The following TMEM44 variants were observed in gnomAD, a reference collection of about 807,000 sequenced individuals.
TMEM44 encodes transmembrane protein 44.
A neutral mutation model predicts 47.8 loss-of-function variants in TMEM44; 43 were observed. The observed-to-expected ratio is 0.90, with a 90% CI of 0.70 to 1.16. TMEM44 has a LOEUF of 1.16. Among genes scored for constraint, TMEM44 ranks in the 50% most tolerant of loss-of-function variants. The pLI, the probability that TMEM44 is intolerant of heterozygous loss-of-function variation, is 0.00. For missense variants in TMEM44, 568 were observed against 555.2 expected, an observed-to-expected ratio of 1.02 and a Z score of -0.23; for synonymous variants, 277 against 238.8, an observed-to-expected ratio of 1.16 and a Z score of -1.48.
chr3:194,609,241 G>A (rs952763590), intron 8 of TMEM44, among the ~76,000 whole-genome samples: 2 of 152,154 alleles, frequency 1.3e-5, no homozygotes, highest in African/African-American at 4.8e-5. Context: ...GAACTGAGGG[G>A]AGGGGAAAGG....
intron 1 of TMEM44, 68 bp downstream of exon 1, chr3:194,633,009 CGA>C: frequency 6.6e-7 from 1 of 1,512,622 alleles, no homozygotes; most frequent in Admixed American, 2.0e-5. Context: ...TCTAGGTTTC[CGA>C]GAGGGAGCAG....
At position 194,628,519 on chromosome 3, in the gene TMEM44, C is replaced by G. The variant is rs1717421819; in HGVS notation, c.138-10G>C. The G allele has an allele frequency of 6.2e-7, 1 of 1,610,580 alleles. No individual in the cohort carries two copies. Among genetic ancestry groups the G allele is most frequent in the South Asian group, 1.1e-5 (1 of 90,512 alleles). On this transcript the variant is annotated splice_polypyrimidine_tract_variant and intron_variant, in intron 1 of 9. Coordinates refer to ENST00000347147, the MANE Select transcript of TMEM44 (RefSeq NM_001011655.3). ...TCTCAGATAGAGAAGCCTGGGGTGA[C>G]AGGGGTGTGGACAGAACACAGCAAC...
chr3:194,595,455 C>A (rs1331691244), intron 9 of TMEM44, among the ~76,000 whole-genome samples: 2 of 152,100 alleles, frequency 1.3e-5, no homozygotes, highest in Non-Finnish European at 2.9e-5. Context: ...AAATTTTAGA[C>A]TGTGGAAGCT....
chr3:194,623,215 C>T lies in TMEM44; in HGVS notation c.612+9G>A, dbSNP rs758870598. ...TGACCCACAGTCCCATCCCCACCCC[C>T]GGCCTCACAATTCTGGAGAGAGGGG... On this transcript the variant is annotated intron_variant, in intron 5 of 9. Coordinates refer to ENST00000347147, the MANE Select transcript of TMEM44 (RefSeq NM_001011655.3). 16 of 1,601,732 alleles carry T rather than the reference C, an allele frequency of 1.0e-5. No homozygotes were observed. The highest frequency in any genetic ancestry group is 4.5e-5 in the South Asian group (4 of 88,836).
chr3:194,626,400 G>A (rs1016822365), intron 2 of TMEM44, among the ~76,000 whole-genome samples: 2 of 152,224 alleles, frequency 1.3e-5, no homozygotes, highest in African/African-American at 2.4e-5. Flanking sequence ...GGTTACTTGA[G>A]ACAGTACATG....
intron 9 of TMEM44, among the ~76,000 whole-genome samples, chr3:194,594,496 A>C (rs1713164899): frequency 6.6e-6 from 1 of 152,086 alleles, no homozygotes; most frequent in Admixed American, 6.6e-5. Context: ...AATATTTCAA[A>C]ATGTATCTCA....
At chr3:194,613,058 T>C (rs1273304126) in intron 7 of TMEM44, among the ~76,000 whole-genome samples, 3 of 152,370 alleles carry the variant, frequency 2.0e-5, no homozygotes, top group East Asian at 1.9e-4. Flanking sequence ...TTCTGACTAC[T>C]TGTAGAGGTC....
At chr3:194,604,842 T>G (rs999514089) in intron 8 of TMEM44, among the ~76,000 whole-genome samples, 4 of 152,228 alleles carry the variant, frequency 2.6e-5, no homozygotes, top group African/African-American at 7.2e-5. Flanking sequence ...CCCCTACTAA[T>G]GGGTGCTTAA....
At chr3:194,616,231 T>A (rs902676070) in intron 6 of TMEM44, among the ~76,000 whole-genome samples, 1 of 152,136 alleles carries the variant, frequency 6.6e-6, no homozygotes, top group African/African-American at 2.4e-5. Flanking sequence ...TTCGTATTTT[T>A]AGTAGAGACC....
At position 194,611,249 on chromosome 3, in the gene TMEM44, A is replaced by G. The variant is rs1715295078; in HGVS notation, c.913-229T>C. 1.3e-5 allele frequency among the ~76,000 whole-genome samples: 2 copies of G among 152,036 alleles called. No homozygotes were observed. Among genetic ancestry groups the G allele is most frequent in the South Asian group, 4.1e-4 (2 of 4,828 alleles). On this transcript the variant is annotated intron_variant, in intron 7 of 9. Coordinates refer to ENST00000347147, the MANE Select transcript of TMEM44 (RefSeq NM_001011655.3). This position sits in a 1 kb window ranked among gnomAD's most constrained non-coding sequence, Gnocchi z 4.2. ...TTGCAACACAGTAGAATCAGCTAGG[A>G]ATCTTTTTTATTTTATTTTATTTTT...
intron 3 of TMEM44, among the ~76,000 whole-genome samples, chr3:194,624,590 T>A (rs952828748): frequency 1.3e-5 from 2 of 151,872 alleles, no homozygotes; most frequent in Non-Finnish European, 2.9e-5. Flanking sequence ...AGCTACTTTT[T>A]AAAATGTTTG....
chr3:194,600,413 G>C (rs13062872), intron 9 of TMEM44, among the ~76,000 whole-genome samples: 1 of 150,672 alleles, frequency 6.6e-6, no homozygotes, highest in African/African-American at 2.4e-5. Flanking sequence ...GATTACAGGC[G>C]TGAGCCACCA....
chr3:194,632,704 G>A (rs534937849), intron 1 of TMEM44, among the ~76,000 whole-genome samples: 2 of 152,222 alleles, frequency 1.3e-5, no homozygotes, highest in South Asian at 4.1e-4. Context: ...CTGATTCATC[G>A]AATCCTCCCA....
chr3:194,594,137 A>ATCTGTCTG (rs1157567717), intron 9 of TMEM44, among the ~76,000 whole-genome samples: 10 of 145,852 alleles, frequency 6.9e-5, no homozygotes, highest in African/African-American at 2.5e-4. Context: ...CTATCTATCT[A>ATCTGTCTG]TCTATCTATC....
chr3:194,599,742 G>C (rs1310200370), intron 9 of TMEM44, among the ~76,000 whole-genome samples: 1 of 146,272 alleles, frequency 6.8e-6, no homozygotes, highest in East Asian at 2.0e-4. Flanking sequence ...GTGCCACTGC[G>C]CCTGGCTAAT....
chr3:194,602,738 G>C (rs1454812490), intron 9 of TMEM44, among the ~76,000 whole-genome samples: 2 of 152,208 alleles, frequency 1.3e-5, no homozygotes, highest in African/African-American at 4.8e-5. Flanking sequence ...TCCCGGTGAG[G>C]GGAGGGGGTG....
intron 9 of TMEM44, chr3:194,593,061 C>T (rs776743890): frequency 6.2e-7 from 1 of 1,613,728 alleles, no homozygotes; most frequent in South Asian, 1.1e-5. Context: ...TTTAGGGCCT[C>T]CCAATACTTC....
At chr3:194,633,046 G>GCCCGACAGCCC (rs1560209845) in intron 1 of TMEM44, 33 bp downstream of exon 1, 8 of 1,544,672 alleles carry the variant, frequency 5.2e-6, no homozygotes, top group Non-Finnish European at 7.0e-6. Flanking sequence ...CCGTTTCCCC[G>GCCCGACAGCCC]CCCGACAGCC....
At position 194,604,429 on chromosome 3, in the gene TMEM44, G is replaced by A. The variant is rs760897159; in HGVS notation, c.1034C>T (p.Thr345Ile). 3.0e-5 allele frequency: 46 copies of A among 1,522,466 alleles called. 2 individuals carry two copies. The South Asian group carries it at 5.4e-4, about 18-fold the overall frequency. The allele number at this position is 1,522,466 out of a possible 1,614,324, so 94.3% of individuals were successfully genotyped here. The change falls in exon 9 of 10, where the codon ACC becomes ATC. Residue 345 changes from threonine (T) to isoleucine (I), a missense_variant. Coordinates refer to ENST00000347147, the MANE Select transcript of TMEM44 (RefSeq NM_001011655.3). ...EPVQQAGCSATRLPGDGQTSA... is the reference protein window; with the variant it reads ...EPVQQAGCSAIRLPGDGQTSA... ...CGTCTGCCCGTCACCTGGCAGCCTGGTGGCACTGCAGCCTGCCTGCAAGGT... is the reference window on the plus strand; with the variant it reads ...CGTCTGCCCGTCACCTGGCAGCCTGATGGCACTGCAGCCTGCCTGCAAGGT...
Sources: allele counts gnomAD v4.1 joint callset (sites outside exome capture counted in the v4.1 genomes callset), GRCh38; gene constraint gnomAD v4.1.1; non-coding constraint Gnocchi (gnomAD v3.1); transcripts MANE v1.5; gene names NCBI Gene and HGNC (gene_info 2026-07-23, HGNC 2026-07-21).